Variants in NOVA1 observed in about 807,000 individuals in gnomAD.
NOVA1 encodes the protein RNA-binding protein Nova-1.
In NOVA1, 7 loss-of-function variants were observed where a neutral mutation model predicts 38.0. That is an observed-to-expected ratio of 0.18 (90% CI 0.10 to 0.35). The LOEUF (loss-of-function observed/expected upper bound fraction) is 0.35. NOVA1 is among the 10% of genes least tolerant of loss of function. NOVA1 has a pLI of 1.00. For missense variants in NOVA1, 460 were observed against 616.0 expected (o/e 0.75, Z 2.68); for synonymous variants, 270 against 232.5 (o/e 1.16, Z -1.47).
At chr14:26,524,167 T>C (rs963803028) in intron 2 of NOVA1, among the ~76,000 whole-genome samples, 1 of 152,166 alleles carries the variant, frequency 6.6e-6, no homozygotes, top group Non-Finnish European at 1.5e-5. Flanking sequence ...TGGATACAAC[T>C]AATTACCCCA....
chr14:26,495,490 C>T (rs1566477168), intron 2 of NOVA1, among the ~76,000 whole-genome samples: 1 of 151,796 alleles, frequency 6.6e-6, no homozygotes, highest in African/African-American at 2.4e-5. Flanking sequence ...TTATAACAAG[C>T]TTTTTTTTGT....
At position 26,491,051 on chromosome 14, in the gene NOVA1, C is replaced by T. The variant is rs1398228794; in HGVS notation, c.281-10908G>A. Among the ~76,000 whole-genome samples the T allele has an allele frequency of 3.9e-5, 6 of 152,080 alleles. No homozygotes were observed. The East Asian group carries it at 5.8e-4, about 15-fold the overall frequency. On this transcript the variant is annotated intron_variant, in intron 2 of 4. Transcript: ENST00000539517. ...ATTTTTAGTAGAGACGGGGTTTCACCGTGTTAGCCAGGATGGCCTCGATCT... is the reference window on the plus strand; with the variant it reads ...ATTTTTAGTAGAGACGGGGTTTCACTGTGTTAGCCAGGATGGCCTCGATCT...
At chr14:26,561,291 A>G (rs866647887) in intron 2 of NOVA1, among the ~76,000 whole-genome samples, 21 of 152,216 alleles carry the variant, frequency 1.4e-4, no homozygotes, top group African/African-American at 5.1e-4. Flanking sequence ...GAGGACTACT[A>G]ACATTGAAAC....
At chr14:26,564,861 T>A (rs1477306433) in intron 2 of NOVA1, among the ~76,000 whole-genome samples, 1 of 152,182 alleles carries the variant, frequency 6.6e-6, no homozygotes, top group African/African-American at 2.4e-5. Flanking sequence ...AAAGATACAC[T>A]TAAACCTTTA....
intron 4 of NOVA1, among the ~76,000 whole-genome samples, chr14:26,453,139 T>C (rs1384762094): frequency 6.6e-6 from 1 of 152,140 alleles, no homozygotes; most frequent in Non-Finnish European, 1.5e-5. Flanking sequence ...TCTAAACCCA[T>C]TTTAGCAGTG....
chr14:26,505,331 A>G (rs1887566351), intron 2 of NOVA1, among the ~76,000 whole-genome samples: 1 of 151,994 alleles, frequency 6.6e-6, no homozygotes, highest in African/African-American at 2.4e-5. Flanking sequence ...TCATGGGGGC[A>G]GTTTCCCCCA....
intron 2 of NOVA1, chr14:26,593,460 C>T (rs1344360223): frequency 1.3e-5 from 2 of 151,790 alleles, no homozygotes; most frequent in South Asian, 2.1e-4. Context: ...TTATAAACTA[C>T]GAGGCTTTAT....
intron 2 of NOVA1, among the ~76,000 whole-genome samples, chr14:26,567,181 ATAATG>A (rs1555329851): frequency 6.6e-6 from 1 of 152,178 alleles, no homozygotes; most frequent in Non-Finnish European, 1.5e-5. Context: ...TCCTATAAAA[ATAATG>A]TAGAGTATAA....
At chr14:26,579,058 T>C (rs1309424131) in intron 2 of NOVA1, among the ~76,000 whole-genome samples, 2 of 132,188 alleles carry the variant, frequency 1.5e-5, no homozygotes, top group African/African-American at 2.8e-5. Flanking sequence ...GTATTCTTTT[T>C]TTTTTTTTTT....
At chr14:26,519,509 A>G (rs1174915035) in intron 2 of NOVA1, 2 of 152,228 alleles carry the variant, frequency 1.3e-5, no homozygotes, top group Admixed American at 1.3e-4. Flanking sequence ...TTCTTAGGTT[A>G]GTGATGCCAT....
At chr14:26,587,862 C>T (rs1475859577) in intron 2 of NOVA1, among the ~76,000 whole-genome samples, 1 of 150,780 alleles carries the variant, frequency 6.6e-6, no homozygotes, top group African/African-American at 2.4e-5. Context: ...TCTATTCTGC[C>T]CTTCCCCCCT....
At chr14:26,564,597 T>C (rs1412313238) in intron 2 of NOVA1, among the ~76,000 whole-genome samples, 2 of 152,168 alleles carry the variant, frequency 1.3e-5, no homozygotes, top group African/African-American at 4.8e-5. Flanking sequence ...CTCCTCGCGA[T>C]AGACAAATTA....
At chr14:26,541,349 T>A (rs1013401764) in intron 2 of NOVA1, among the ~76,000 whole-genome samples, 4 of 151,804 alleles carry the variant, frequency 2.6e-5, no homozygotes, top group African/African-American at 9.7e-5. Context: ...ACAAGGTATA[T>A]GAAAAAATTT....
chr14:26,566,390 G>T (rs182227891), intron 2 of NOVA1, among the ~76,000 whole-genome samples: 14 of 152,016 alleles, frequency 9.2e-5, no homozygotes, highest in Non-Finnish European at 1.8e-4. Context: ...TCCAATGATT[G>T]TAAGTGAGTA....
At chr14:26,514,582 A>G (rs1446730838) in intron 2 of NOVA1, among the ~76,000 whole-genome samples, 1 of 151,844 alleles carries the variant, frequency 6.6e-6, no homozygotes, top group East Asian at 1.9e-4. Flanking sequence ...GAATGTGTGC[A>G]GTTCTTCAGA....
chr14:26,544,822 T>C (rs10151855), intron 2 of NOVA1, among the ~76,000 whole-genome samples: 2,645 of 152,010 alleles, frequency 0.017, 73 homozygotes, highest in African/African-American at 0.06. Context: ...ATATTCAGAA[T>C]GGAACTGCAT....
chr14:26,485,169 G>A (rs139113675), intron 2 of NOVA1, among the ~76,000 whole-genome samples: 1 of 152,192 alleles, frequency 6.6e-6, no homozygotes, highest in Non-Finnish European at 1.5e-5. Flanking sequence ...CCAGAAGAGT[G>A]CCTGGCACAC....
chr14:26,597,336 G>A lies in NOVA1; in HGVS notation c.101C>T (p.Pro34Leu), dbSNP rs1894261021. Reference protein sequence around the residue: ...DSRKRPLEAPPEAGSTKRTNT... With the variant: ...DSRKRPLEAPLEAGSTKRTNT... ...GGTCCTCTTGGTGCTGCCGGCTTCAGGGGGGGCTTCCAGCGGCCTTTTCCG... is the reference window on the plus strand; with the variant it reads ...GGTCCTCTTGGTGCTGCCGGCTTCAAGGGGGGCTTCCAGCGGCCTTTTCCG... Residue 34 changes from proline to leucine, a missense_variant, in exon 1 of 5, where the codon CCT becomes CTT. Pro to Leu is a moderately conservative substitution (Grantham distance 98). Transcript: ENST00000539517. 2 of 1,261,144 alleles carry A rather than the reference G, an allele frequency of 1.6e-6. No individual in the cohort carries two copies. Among genetic ancestry groups the A allele is most frequent in the Non-Finnish European group, 1.0e-6 (1 of 994,982 alleles). 78.1% of individuals were successfully genotyped at this position (1,261,144 alleles called of 1,614,324 possible).
At chr14:26,491,908 T>G (rs1886378005) in intron 2 of NOVA1, among the ~76,000 whole-genome samples, 1 of 152,144 alleles carries the variant, frequency 6.6e-6, no homozygotes, top group Admixed American at 6.5e-5. Flanking sequence ...TTTTATCTAT[T>G]CTAGGAACCT....
Sources: gnomAD v4.1 joint callset for allele counts (sites outside exome capture counted in the v4.1 genomes callset) on GRCh38, gnomAD v4.1.1 for gene constraint, MANE v1.5 for transcripts, NCBI Gene and HGNC (gene_info 2026-07-23, HGNC 2026-07-21) for gene names.